Variants in TMPRSS11E observed in about 807,000 individuals in gnomAD.
TMPRSS11E encodes the protein transmembrane serine protease 11E.
TMPRSS11E carries 38 observed loss-of-function variants against 48.1 expected under a neutral mutation model. That is an observed-to-expected ratio of 0.79 (90% CI 0.61 to 1.04). TMPRSS11E has a LOEUF of 1.04. TMPRSS11E is among the 50% of genes least tolerant of loss of function. The pLI is 0.00. For synonymous variants in TMPRSS11E, 158 were observed against 171.9 expected (o/e 0.92, Z 0.63); for missense variants, 530 against 510.8 (o/e 1.04, Z -0.36).
At chr4:68,455,415 G>C (rs1728602738) in intron 1 of TMPRSS11E, among the ~76,000 whole-genome samples, 1 of 151,848 alleles carries the variant, frequency 6.6e-6, no homozygotes, top group Non-Finnish European at 1.5e-5. Context: ...GGGGCTCAGG[G>C]GATGCTGGAA....
intron 9 of TMPRSS11E, among the ~76,000 whole-genome samples, chr4:68,481,837 T>A (rs1729409787): frequency 6.6e-6 from 1 of 152,098 alleles, no homozygotes; most frequent in Non-Finnish European, 1.5e-5. Context: ...TAGTCCCAGC[T>A]ACTTGGAAAT....
At chr4:68,451,409 T>G (rs553855473) in intron 1 of TMPRSS11E, among the ~76,000 whole-genome samples, 6 of 151,912 alleles carry the variant, frequency 3.9e-5, no homozygotes, top group Non-Finnish European at 8.8e-5. Flanking sequence ...TGCCAGAACC[T>G]GTAAGCCCAA....
At chr4:68,453,199 T>G (rs963478470) in intron 1 of TMPRSS11E, among the ~76,000 whole-genome samples, 3 of 151,960 alleles carry the variant, frequency 2.0e-5, no homozygotes, top group Admixed American at 1.3e-4. Context: ...TTGTGGTGTA[T>G]TTACTGTGTG....
chr4:68,456,584 A>G, intron 1 of TMPRSS11E, among the ~76,000 whole-genome samples: 1 of 152,098 alleles, frequency 6.6e-6, no homozygotes, highest in Non-Finnish European at 1.5e-5. Flanking sequence ...TTATGTCACC[A>G]ATGCTTGCTG....
At chr4:68,468,723 C>T (rs1728985633) in intron 3 of TMPRSS11E, among the ~76,000 whole-genome samples, 156 bp from the exon 4 acceptor site, 1 of 152,084 alleles carries the variant, frequency 6.6e-6, no homozygotes, top group African/African-American at 2.4e-5. Flanking sequence ...GAGAAAACCA[C>T]AATAGATTCC....
chr4:68,466,899 C>A, intron 3 of TMPRSS11E, 147 bp downstream of exon 3: 1 of 990,290 alleles, frequency 1.0e-6, no homozygotes, highest in Non-Finnish European at 1.5e-6. Context: ...GAATATAAAA[C>A]AAAATGGACA....
At chr4:68,484,348 C>T (rs2708685) in intron 9 of TMPRSS11E, among the ~76,000 whole-genome samples, 100,520 of 151,982 alleles carry the variant, frequency 0.66, 33,626 homozygotes, top group East Asian at 0.86. Flanking sequence ...ACCCTGTTGA[C>T]CAGGCTGGAG....
At chr4:68,493,100 CTTTTA>C (rs1384327448) in intron 9 of TMPRSS11E, among the ~76,000 whole-genome samples, 2 of 151,908 alleles carry the variant, frequency 1.3e-5, no homozygotes, top group Admixed American at 1.3e-4. Flanking sequence ...CCCTCTTAAT[CTTTTA>C]TTTTATAATT....
At chr4:68,463,644 T>G (rs1428098785) in intron 2 of TMPRSS11E, among the ~76,000 whole-genome samples, 1 of 152,174 alleles carries the variant, frequency 6.6e-6, no homozygotes, top group Non-Finnish European at 1.5e-5. Context: ...GGAATAACTT[T>G]ATAGTTCTAC....
chr4:68,488,032 G>A (rs914855163), intron 9 of TMPRSS11E, among the ~76,000 whole-genome samples: 4 of 150,688 alleles, frequency 2.7e-5, no homozygotes, highest in African/African-American at 9.8e-5. Context: ...AGGTTCTGCT[G>A]TTATCCTGAT....
In TMPRSS11E at chr4:68,461,965, GCAT is replaced by G. The variant is rs751555794; in HGVS notation, c.136+24_136+26del. 21 of 1,613,410 alleles carry G rather than the reference GCAT, an allele frequency of 1.3e-5. No homozygotes were observed. Among genetic ancestry groups the G allele is most frequent in the Non-Finnish European group, 1.7e-5 (20 of 1,179,466 alleles). ...GATATAGTAAGTATAAGCTGCCTTG[GCAT>G]CATGTGATTTACCCCAAATATTTCC... On this transcript the variant is annotated intron_variant, in intron 2 of 9. Coordinates refer to ENST00000305363, the MANE Select transcript of TMPRSS11E (RefSeq NM_014058.4).
intron 9 of TMPRSS11E, among the ~76,000 whole-genome samples, chr4:68,487,230 A>G (rs1369260217): frequency 6.6e-6 from 1 of 151,016 alleles, no homozygotes; most frequent in East Asian, 1.9e-4. Context: ...GGACTATGTA[A>G]TTGTCTTTTC....
At chr4:68,462,057 G>A in intron 2 of TMPRSS11E, 112 bp downstream of exon 2, 1 of 1,361,402 alleles carries the variant, frequency 7.3e-7, no homozygotes, top group South Asian at 1.3e-5. Context: ...CATTTGCATA[G>A]CCTGTACAAA....
At chr4:68,458,294 G>A (rs1728689523) in intron 1 of TMPRSS11E, among the ~76,000 whole-genome samples, 1 of 151,946 alleles carries the variant, frequency 6.6e-6, no homozygotes, top group South Asian at 2.1e-4. Context: ...ACATTAATAA[G>A]CAATAATAAT....
intron 1 of TMPRSS11E, among the ~76,000 whole-genome samples, chr4:68,454,399 G>T (rs1278380186): frequency 6.6e-6 from 1 of 151,786 alleles, no homozygotes; most frequent in Non-Finnish European, 1.5e-5. Flanking sequence ...ATATGAACCT[G>T]AGCTTATTTC....
chr4:68,474,747 G>A lies in TMPRSS11E; in HGVS notation c.515G>A (p.Ser172Asn), dbSNP rs1019540270. 2 of 1,604,022 alleles carry A rather than the reference G, an allele frequency of 1.2e-6. No homozygotes were observed. The highest frequency in any genetic ancestry group is 1.7e-4 in the Middle Eastern group (1 of 6,050). The change falls in exon 6 of 10, where the codon AGC becomes AAC. Residue 172 changes from serine to asparagine, a missense_variant. Transcript: ENST00000305363. ...GAAATCAACAAGACAGAAACAGACA[G>A]CTATCTAAACCATTGTAAGTTTAAT... is the stretch of plus-strand genomic sequence containing the variant. ...IKKINKTETD[S>N]YLNHCCGTRR...
At position 68,478,984 on chromosome 4, in the gene TMPRSS11E, C is replaced by A. The variant is rs1397196861; in HGVS notation, c.1103C>A (p.Ala368Glu). ...CAGSLEGKTD[A>E]CQGDSGGPLV... is the part of the protein sequence containing the mutation. ...GGCTCCTTAGAAGGAAAAACAGATG[C>A]ATGCCAGGTAAACAGTTTTGCCCAT... The change falls in exon 9 of 10, where the codon GCA (alanine) becomes GAA (glutamate). Residue 368 changes from alanine to glutamate, a missense_variant. By Grantham distance (107) the Ala-to-Glu change is moderately radical (BLOSUM62 -1). Coordinates refer to ENST00000305363, the MANE Select transcript of TMPRSS11E (RefSeq NM_014058.4). 1.2e-6 allele frequency: 2 copies of A among 1,613,270 alleles called. No homozygotes were observed. The highest frequency in any genetic ancestry group is 1.7e-6 in the Non-Finnish European group (2 of 1,179,776).
chr4:68,484,148 A>T (rs1383155524), intron 9 of TMPRSS11E, among the ~76,000 whole-genome samples: 1 of 152,140 alleles, frequency 6.6e-6, no homozygotes, highest in African/African-American at 2.4e-5. Flanking sequence ...TAAATATTAC[A>T]ACAGTTTTTA....
intron 9 of TMPRSS11E, among the ~76,000 whole-genome samples, chr4:68,483,687 T>C (rs1345588615): frequency 6.6e-6 from 1 of 152,210 alleles, no homozygotes; most frequent in Non-Finnish European, 1.5e-5. Context: ...TTTTAGGGTC[T>C]TTGTTATAAA....
Sources: allele counts gnomAD v4.1 joint callset (sites outside exome capture counted in the v4.1 genomes callset), GRCh38; gene constraint gnomAD v4.1.1; transcripts MANE v1.5; gene names NCBI Gene and HGNC (gene_info 2026-07-23, HGNC 2026-07-21).